SGCZ: variants seen among roughly 807,000 people sequenced by gnomAD.
SGCZ encodes sarcoglycan zeta, also known as zeta-sarcoglycan.
A neutral mutation model predicts 41.3 loss-of-function variants in SGCZ; 40 were observed. That is an observed-to-expected ratio of 0.97 (90% CI 0.75 to 1.26). The LOEUF is 1.26. Among genes scored for constraint, SGCZ ranks in the 50% most tolerant of loss-of-function variants. The pLI is 0.00. For missense variants in SGCZ, 552 were observed against 369.8 expected (o/e 1.49, Z -4.04); for synonymous variants, 206 against 137.5 (o/e 1.50, Z -3.49).
chr8:14,400,530 G>A (rs1309788347), intron 2 of SGCZ, among the ~76,000 whole-genome samples: 1 of 152,002 alleles, frequency 6.6e-6, no homozygotes, highest in Non-Finnish European at 1.5e-5. Context: ...GGTCCCACTG[G>A]GCATTCTATT....
chr8:14,151,162 G>A (rs1001474230), intron 5 of SGCZ, among the ~76,000 whole-genome samples: 2 of 152,038 alleles, frequency 1.3e-5, no homozygotes, highest in Admixed American at 6.6e-5. Flanking sequence ...ATTTTAAAAT[G>A]TATCTTAAAG....
chr8:14,350,847 T>C (rs184197283), intron 2 of SGCZ, among the ~76,000 whole-genome samples: 1 of 152,202 alleles, frequency 6.6e-6, no homozygotes, highest in East Asian at 1.9e-4. Context: ...TGCATTATTA[T>C]TGTATCGTTT....
chr8:14,933,196 C>T (rs1163102956), intron 1 of SGCZ, among the ~76,000 whole-genome samples: 2 of 151,884 alleles, frequency 1.3e-5, no homozygotes, highest in African/African-American at 2.4e-5. Context: ...ACAATTCACC[C>T]ATGTAACAAA....
intron 2 of SGCZ, among the ~76,000 whole-genome samples, chr8:14,470,940 C>A (rs1052825270): frequency 6.6e-6 from 1 of 152,060 alleles, no homozygotes; most frequent in African/African-American, 2.4e-5. Flanking sequence ...GTAAGCTTGG[C>A]CCCAGGCACA....
chr8:14,445,675 A>T (rs1181908267), intron 2 of SGCZ, among the ~76,000 whole-genome samples: 1 of 152,126 alleles, frequency 6.6e-6, no homozygotes, highest in East Asian at 1.9e-4. Flanking sequence ...GGACACATTG[A>T]CTGTGGGTAC....
intron 3 of SGCZ, among the ~76,000 whole-genome samples, chr8:14,290,933 T>A (rs1026778773): frequency 1.3e-5 from 2 of 152,108 alleles, no homozygotes; most frequent in African/African-American, 4.8e-5. Flanking sequence ...AAATATGGAA[T>A]CACCCTAAAA....
At chr8:14,852,722 A>G (rs532103182) in intron 1 of SGCZ, among the ~76,000 whole-genome samples, 40 of 152,274 alleles carry the variant, frequency 2.6e-4, no homozygotes, top group Admixed American at 2.3e-3. Flanking sequence ...TAATTACATT[A>G]TGTTGGAGCA....
chr8:14,340,324 T>A (rs116780142), intron 2 of SGCZ, among the ~76,000 whole-genome samples: 137 of 152,294 alleles, frequency 9.0e-4, no homozygotes, highest in African/African-American at 3.2e-3. Flanking sequence ...TAAACCATAC[T>A]CTGGTTAGTT....
At chr8:14,735,872 T>C (rs137882935) in intron 1 of SGCZ, among the ~76,000 whole-genome samples, 146 of 152,226 alleles carry the variant, frequency 9.6e-4, no homozygotes, top group African/African-American at 3.2e-3. Flanking sequence ...AGTAGGAATT[T>C]AGCAGGGTTG....
chr8:14,407,399 G>T (rs554305459), intron 2 of SGCZ, among the ~76,000 whole-genome samples: 1 of 152,066 alleles, frequency 6.6e-6, no homozygotes, highest in African/African-American at 2.4e-5. Context: ...CTGAGTTTCA[G>T]AAAATTTTAA....
chr8:14,264,053 C>T (rs1799773822), intron 3 of SGCZ, among the ~76,000 whole-genome samples: 1 of 152,206 alleles, frequency 6.6e-6, no homozygotes, highest in Admixed American at 6.5e-5. Flanking sequence ...ACAGCCCCAG[C>T]AGTATGGTCT....
intron 1 of SGCZ, among the ~76,000 whole-genome samples, chr8:15,037,409 C>T (rs536346693): frequency 6.6e-6 from 1 of 152,178 alleles, no homozygotes; most frequent in Non-Finnish European, 1.5e-5. Flanking sequence ...CCCTGCAGAA[C>T]TGTTAGTCAA....
intron 1 of SGCZ, among the ~76,000 whole-genome samples, chr8:15,030,657 C>T (rs1185171880): frequency 1.3e-5 from 2 of 152,130 alleles, no homozygotes; most frequent in African/African-American, 4.8e-5. Flanking sequence ...TGATTCCAGG[C>T]TCCTCTAATA....
At chr8:15,060,412 C>G (rs111730870) in intron 1 of SGCZ, among the ~76,000 whole-genome samples, 12,775 of 150,322 alleles carry the variant, frequency 0.085, 743 homozygotes, top group East Asian at 0.29. Flanking sequence ...AGCAAACTAT[C>G]ACAAGGACAG....
At chr8:14,850,499 A>G (rs1235836631) in intron 1 of SGCZ, among the ~76,000 whole-genome samples, 2 of 152,206 alleles carry the variant, frequency 1.3e-5, no homozygotes, top group African/African-American at 2.4e-5. Flanking sequence ...TTCATGGAAT[A>G]AGAACCAAAT....
intron 1 of SGCZ, among the ~76,000 whole-genome samples, chr8:15,035,880 T>A (rs1451530781): frequency 1.3e-5 from 2 of 152,048 alleles, no homozygotes; most frequent in African/African-American, 4.8e-5. Flanking sequence ...TGTAACACAT[T>A]AACAGCATGA....
intron 5 of SGCZ, among the ~76,000 whole-genome samples, chr8:14,145,373 C>A (rs1008856087): frequency 6.6e-5 from 10 of 152,164 alleles, no homozygotes; most frequent in African/African-American, 2.4e-4. Context: ...GGAACCACTG[C>A]ATTTACTGGG....
Position 14,600,581 on chromosome 8 carries a change from G to A in SGCZ, c.40-45655C>T, listed in dbSNP as rs569065936. ...TATTAGCCAAGCACAATTCTCCACA[G>A]GAGGATGCAGGTATAATCCATTAGC... On this transcript the variant is annotated intron_variant, in intron 1 of 7. Transcript: ENST00000382080. Among the ~76,000 whole-genome samples, 6 of 152,246 alleles carry A rather than the reference G, an allele frequency of 3.9e-5. No individual in the cohort carries two copies. The South Asian group carries it at 8.3e-4, about 21-fold the overall frequency.
At chr8:15,085,378 GACACACGTGCTGAAATCT>G (rs1805910671) in intron 1 of SGCZ, among the ~76,000 whole-genome samples, 1 of 152,146 alleles carries the variant, frequency 6.6e-6, no homozygotes, top group Admixed American at 6.5e-5. Context: ...AAGACTCTTA[GACACACGTGCTGAAATCT>G]AAGACTGCAG....
Sources: allele counts gnomAD v4.1 joint callset (sites outside exome capture counted in the v4.1 genomes callset), GRCh38; gene constraint gnomAD v4.1.1; transcripts MANE v1.5; gene names NCBI Gene and HGNC (gene_info 2026-07-23, HGNC 2026-07-21).